DOK6: variants seen among roughly 807,000 people sequenced by gnomAD.
The protein encoded by DOK6 is downstream of tyrosine kinase 6.
In DOK6, 22 loss-of-function variants were observed where a neutral mutation model predicts 44.0. The ratio of observed to expected loss-of-function variants is 0.50; its 90% CI spans 0.36 to 0.71. The LOEUF (loss-of-function observed/expected upper bound fraction) is 0.71. Ranked by LOEUF, DOK6 falls within the 30% of genes least tolerant of loss-of-function variation. The pLI is 0.00. For missense variants in DOK6, 340 were observed against 416.4 expected, an observed-to-expected ratio of 0.82 and a Z score of 1.60; for synonymous variants, 166 against 145.5, an observed-to-expected ratio of 1.14 and a Z score of -1.01.
chr18:69,761,949 G>A (rs898508339), intron 7 of DOK6, among the ~76,000 whole-genome samples: 7 of 152,100 alleles, frequency 4.6e-5, no homozygotes, highest in African/African-American at 1.4e-4. Context: ...AGGGGCATAA[G>A]GCAGAAGGAG....
At chr18:69,563,801 TA>T (rs1240597115) in intron 1 of DOK6, among the ~76,000 whole-genome samples, 3,373 of 145,544 alleles carry the variant, frequency 0.023, 102 homozygotes, top group African/African-American at 0.072. Context: ...TAAAGTATAA[TA>T]AAAAAAAAAA....
At position 69,802,706 on chromosome 18, in the gene DOK6, A is replaced by G. The variant is rs547663357; in HGVS notation, c.857-38538A>G. On this transcript the variant is annotated intron_variant, in intron 7 of 7. Coordinates refer to ENST00000382713, the MANE Select transcript of DOK6 (RefSeq NM_152721.6). ...CCTGTCTTGCTCTCTCTTTCTCACC[A>G]TGTGATATGCTGGCTCTCTCTTGGC... Among the ~76,000 whole-genome samples the G allele has an allele frequency of 2.2e-4, 33 of 152,212 alleles. No homozygotes were observed. In the South Asian group the frequency reaches 6.8e-3, roughly 32 times the overall value.
At chr18:69,607,589 C>T (rs1374979831) in intron 3 of DOK6, among the ~76,000 whole-genome samples, 1 of 151,970 alleles carries the variant, frequency 6.6e-6, no homozygotes, top group Non-Finnish European at 1.5e-5. Flanking sequence ...AATATAGTTC[C>T]TACTTGGATG....
chr18:69,471,727 A>G (rs1481812007), intron 1 of DOK6: 1 of 152,126 alleles, frequency 6.6e-6, no homozygotes, highest in African/African-American at 2.4e-5. Flanking sequence ...ATCAATAAAT[A>G]TCGAATGAGC....
At chr18:69,496,349 C>G (rs1980888449) in intron 1 of DOK6, among the ~76,000 whole-genome samples, 1 of 152,216 alleles carries the variant, frequency 6.6e-6, no homozygotes, top group Non-Finnish European at 1.5e-5. Flanking sequence ...CCCACCCCAC[C>G]AACTCGGAAG....
chr18:69,838,924 C>T lies in DOK6; in HGVS notation c.857-2320C>T, dbSNP rs149616630. On this transcript the variant is annotated intron_variant, in intron 7 of 7. Transcript: ENST00000382713. ...TAGCCCCTCCATTAGCTCCTCTTTC[C>T]CTAGCCCCTACCTTAGTTCCTTCCC... Among the ~76,000 whole-genome samples, 451 of 150,514 alleles carry T rather than the reference C, an allele frequency of 3.0e-3. 3 individuals carry two copies. Among genetic ancestry groups the T allele is most frequent in the African/African-American group, 9.7e-3 (398 of 40,842 alleles).
chr18:69,738,950 T>C lies in DOK6; in HGVS notation c.600-15T>C. 1.2e-6 allele frequency: 2 copies of C among 1,613,524 alleles called. No individual in the cohort carries two copies. Among genetic ancestry groups the C allele is most frequent in the Non-Finnish European group, 8.5e-7 (1 of 1,179,640 alleles). ...ACATGGAGACCCATCTCTTTCCCTATCTCTATTCTCACAGAATGTGTGACA... is the reference window on the plus strand; with the variant it reads ...ACATGGAGACCCATCTCTTTCCCTACCTCTATTCTCACAGAATGTGTGACA... On this transcript the variant is annotated splice_polypyrimidine_tract_variant and intron_variant, in intron 5 of 7. Transcript: ENST00000382713.
intron 1 of DOK6, among the ~76,000 whole-genome samples, chr18:69,485,065 T>C (rs4493160): frequency 0.18 from 27,967 of 151,836 alleles, 3,088 homozygotes; most frequent in Non-Finnish European, 0.23. Context: ...TTGTAACGAG[T>C]AGGAGAATTT....
intron 3 of DOK6, among the ~76,000 whole-genome samples, chr18:69,614,941 C>G (rs1351551833): frequency 1.3e-5 from 2 of 151,992 alleles, no homozygotes; most frequent in Non-Finnish European, 2.9e-5. Context: ...GGCTCACTTT[C>G]TGCTTAAGAA....
intron 1 of DOK6, among the ~76,000 whole-genome samples, chr18:69,423,293 T>A (rs1175331286): frequency 3.0e-5 from 3 of 100,980 alleles, no homozygotes; most frequent in Non-Finnish European, 5.9e-5. Flanking sequence ...CAGAGTGAGA[T>A]CCTGTCTCAA....
chr18:69,806,999 G>A (rs1322877049), intron 7 of DOK6, among the ~76,000 whole-genome samples: 1 of 151,904 alleles, frequency 6.6e-6, no homozygotes, highest in Non-Finnish European at 1.5e-5. Flanking sequence ...AGGTTACATA[G>A]TTTTATTGTC....
intron 2 of DOK6, among the ~76,000 whole-genome samples, chr18:69,595,125 C>T (rs934687820): frequency 1.3e-5 from 2 of 152,070 alleles, no homozygotes; most frequent in African/African-American, 2.4e-5. Flanking sequence ...CAAAGACATG[C>T]CATGTTAATG....
At chr18:69,641,938 G>A (rs1027163274) in intron 3 of DOK6, among the ~76,000 whole-genome samples, 1 of 152,158 alleles carries the variant, frequency 6.6e-6, no homozygotes, top group African/African-American at 2.4e-5. Context: ...TTAAAGCAAC[G>A]ATGCCAGTGC....
chr18:69,632,980 A>C (rs577705039), intron 3 of DOK6, among the ~76,000 whole-genome samples: 20 of 152,336 alleles, frequency 1.3e-4, no homozygotes, highest in African/African-American at 4.8e-4. Context: ...TATGGGGAAC[A>C]TCATGGTTTA....
rs1366849019 is a variant in DOK6, at chr18:69,434,954, G to GGGAGGGAAGGAA, written c.66+33647_66+33648insGGGAAGGAAGGA. ...AGGGAGGGAGGGAGGGAGGGAGGGA[G>GGGAGGGAAGGAA]GGAAGGAAGGAAGGAAGGAAGGAAG... is the stretch of plus-strand genomic sequence containing the variant. On this transcript the variant is annotated intron_variant, in intron 1 of 7. Coordinates refer to ENST00000382713, the MANE Select transcript of DOK6 (RefSeq NM_152721.6). Among the ~76,000 whole-genome samples the GGGAGGGAAGGAA allele has an allele frequency of 2.1e-4, 13 of 62,972 alleles. No homozygotes were observed. The South Asian group carries it at 3.0e-3, about 15-fold the overall frequency. 41.3% of individuals were successfully genotyped at this position (62,972 alleles called of 152,430 possible).
At chr18:69,555,842 C>G (rs1231531680) in intron 1 of DOK6, among the ~76,000 whole-genome samples, 1 of 152,220 alleles carries the variant, frequency 6.6e-6, no homozygotes. Context: ...TGCTCAGATA[C>G]TGTGTATCCT....
chr18:69,727,261 A>G (rs1156276584), intron 5 of DOK6, among the ~76,000 whole-genome samples: 2 of 152,158 alleles, frequency 1.3e-5, no homozygotes, highest in African/African-American at 4.8e-5. Flanking sequence ...CACACCAAGA[A>G]TAGGGTTTCA....
chr18:69,750,059 T>A (rs1029316411), intron 6 of DOK6, among the ~76,000 whole-genome samples: 11 of 147,096 alleles, frequency 7.5e-5, no homozygotes, highest in Non-Finnish European at 1.2e-4. Context: ...ATATATATAT[T>A]ATATATATAT....
intron 1 of DOK6, among the ~76,000 whole-genome samples, chr18:69,541,799 G>A (rs1387447232): frequency 1.3e-5 from 2 of 151,510 alleles, no homozygotes; most frequent in African/African-American, 4.8e-5. Flanking sequence ...ACAATGAACA[G>A]GAAAGCTTGA....
Sources: allele counts gnomAD v4.1 joint callset (sites outside exome capture counted in the v4.1 genomes callset), GRCh38; gene constraint gnomAD v4.1.1; transcripts MANE v1.5; gene names NCBI Gene and HGNC (gene_info 2026-07-23, HGNC 2026-07-21).